Variants in DHX35 observed in about 807,000 individuals in gnomAD.
The protein encoded by DHX35 is probable ATP-dependent RNA helicase DHX35.
Under a neutral mutation model 99.6 loss-of-function variants are expected in DHX35, and 84 were observed. The observed-to-expected ratio is 0.84, with a 90% confidence interval of 0.71 to 1.01. The LOEUF is 1.01. Ranked by LOEUF, DHX35 falls within the 50% of genes least tolerant of loss-of-function variation. The pLI, the probability that DHX35 is intolerant of heterozygous loss-of-function variation, is 0.00. For missense variants in DHX35, 852 were observed against 888.5 expected (o/e 0.96, Z 0.52); for synonymous variants, 331 against 316.2 (o/e 1.05, Z -0.50).
chr20:39,010,252 C>T (rs760651391), intron 12 of DHX35, 28 bp from the exon 13 acceptor site: 1 of 1,613,832 alleles, frequency 6.2e-7, no homozygotes, highest in East Asian at 2.2e-5. Flanking sequence ...ACATTTGGTC[C>T]CAAACAGTTC....
intron 8 of DHX35, among the ~76,000 whole-genome samples, chr20:39,001,273 C>G (rs1224523545): frequency 6.6e-6 from 1 of 152,166 alleles, no homozygotes; most frequent in Non-Finnish European, 1.5e-5. Flanking sequence ...CGGAAACACA[C>G]CTACTGTTCA....
chr20:39,030,820 C>T, intron 20 of DHX35, 45 bp downstream of exon 20: 2 of 1,586,878 alleles, frequency 1.3e-6, no homozygotes, highest in Non-Finnish European at 8.6e-7. Flanking sequence ...TTGAACAGGG[C>T]CATGTTCTTG....
At chr20:39,016,838 T>C (rs2086793079) in intron 14 of DHX35, among the ~76,000 whole-genome samples, 1 of 151,990 alleles carries the variant, frequency 6.6e-6, no homozygotes, top group South Asian at 2.1e-4. Flanking sequence ...TCTGTTCAAA[T>C]CCTTTGCCCA....
intron 3 of DHX35, chr20:38,978,443 G>C: frequency 1.7e-6 from 1 of 592,052 alleles, no homozygotes; most frequent in Non-Finnish European, 3.1e-6. Flanking sequence ...CACGTACTTA[G>C]GTGGGAGAGA....
At position 39,018,842 on chromosome 20, in the gene DHX35, A is replaced by C. The variant is rs759118719; in HGVS notation, c.1441A>C (p.Met481Leu). 1 of 1,614,026 alleles carries C rather than the reference A, an allele frequency of 6.2e-7. No individual in the cohort carries two copies. The highest frequency in any genetic ancestry group is 1.1e-5 in the South Asian group (1 of 91,080). ...KDCRLTEPLG[M>L]RIAEFPLNPM... ...CTGTCGCCTAACTGAACCGCTTGGC[A>C]TGAGAATTGCAGAGTTTCCTTTGAA... is the stretch of plus-strand genomic sequence containing the variant. Residue 481 changes from methionine (M) to leucine (L), a missense_variant, in exon 15 of 22, where the codon ATG becomes CTG. Met to Leu is a conservative substitution (Grantham distance 15). Transcript: ENST00000252011.
intron 13 of DHX35, among the ~76,000 whole-genome samples, chr20:39,012,761 C>T (rs1187522277): frequency 1.3e-5 from 2 of 152,166 alleles, no homozygotes; most frequent in African/African-American, 2.4e-5. Flanking sequence ...GAACGCCTGA[C>T]CTCAGGTGAT....
At chr20:39,013,349 A>G (rs2086733237) in intron 13 of DHX35, among the ~76,000 whole-genome samples, 1 of 152,248 alleles carries the variant, frequency 6.6e-6, no homozygotes, top group African/African-American at 2.4e-5. Flanking sequence ...AGCCATCCCA[A>G]GTAGTTACTG....
At chr20:39,012,494 C>T (rs2086719819) in intron 13 of DHX35, among the ~76,000 whole-genome samples, 1 of 151,792 alleles carries the variant, frequency 6.6e-6, no homozygotes, top group South Asian at 2.1e-4. Context: ...AGAGAGGTGA[C>T]TGCACGTTGA....
intron 1 of DHX35, among the ~76,000 whole-genome samples, chr20:38,968,611 G>A (rs368921107): frequency 4.6e-5 from 7 of 152,090 alleles, no homozygotes; most frequent in African/African-American, 7.2e-5. Flanking sequence ...GCAGGGGCCC[G>A]ATCTTGGCTC....
chr20:38,978,629 A>G lies in DHX35; in HGVS notation c.268-5070A>G, dbSNP rs1041579318. On this transcript the variant is annotated intron_variant, in intron 3 of 21. Transcript: ENST00000252011. ...TAATAGTTTGCATTTATTTTCTCCC[A>G]TTCTGTAGGTTTTCTCTTCACTCTG... 1.3e-4 allele frequency among the ~76,000 whole-genome samples: 20 copies of G among 152,160 alleles called. 1 individual carries two copies.
intron 1 of DHX35, 71 bp downstream of exon 1, chr20:38,962,478 C>T: frequency 1.3e-6 from 2 of 1,557,544 alleles, no homozygotes; most frequent in Non-Finnish European, 1.7e-6. Context: ...GGCCGGCGCC[C>T]TGGGGCCAGC....
At chr20:38,967,233 T>TA (rs559027346) in intron 1 of DHX35, among the ~76,000 whole-genome samples, 301 of 152,314 alleles carry the variant, frequency 2.0e-3, no homozygotes, top group African/African-American at 7.1e-3. Flanking sequence ...CTGAGAACCC[T>TA]AAAAAGTGTA....
intron 19 of DHX35, chr20:39,030,485 TTTTCTC>T: frequency 1.8e-6 from 1 of 553,630 alleles, no homozygotes; most frequent in Admixed American, 3.4e-5. Context: ...CGCGTGTTGC[TTTTCTC>T]CTCTTCGCTT....
chr20:39,013,133 A>G (rs184162586), intron 13 of DHX35, among the ~76,000 whole-genome samples: 2 of 152,332 alleles, frequency 1.3e-5, no homozygotes, highest in African/African-American at 4.8e-5. Context: ...GAAAAATGAA[A>G]AAAAAAATAC....
At chr20:39,016,542 T>C (rs1221071373) in intron 14 of DHX35, among the ~76,000 whole-genome samples, 2 of 152,266 alleles carry the variant, frequency 1.3e-5, no homozygotes, top group African/African-American at 4.8e-5. Flanking sequence ...CATTCATTAG[T>C]TGATAGACAT....
chr20:38,995,776 G>A (rs144164504), intron 8 of DHX35, among the ~76,000 whole-genome samples: 30 of 152,274 alleles, frequency 2.0e-4, no homozygotes, highest in Middle Eastern at 3.4e-3. Context: ...AGAAACTTTC[G>A]CAGAGGTGGT....
chr20:39,004,039 G>A, intron 11 of DHX35, 132 bp downstream of exon 11: 1 of 1,012,756 alleles, frequency 9.9e-7, no homozygotes, highest in Non-Finnish European at 1.5e-6. Flanking sequence ...AGATCTAAAA[G>A]CACACAATAA....
chr20:39,030,239 A>G lies in DHX35; in HGVS notation c.1884-465A>G, dbSNP rs149076452. ...AGTGATCTGCTCGCCTTGGCCTCCC[A>G]AAGTGCTGGGATTACAGGCATGAGC... is the stretch of plus-strand genomic sequence containing the variant. On this transcript the variant is annotated intron_variant, in intron 19 of 21. Transcript: ENST00000252011. 1,319 of 155,040 alleles carry G rather than the reference A, an allele frequency of 8.5e-3. 6 individuals are homozygous for G. Among genetic ancestry groups the G allele is most frequent in the Non-Finnish European group, 0.015 (1,040 of 69,968 alleles). The allele number at this position is 155,040 out of a possible 1,614,324, so 9.6% of individuals were successfully genotyped here.
intron 13 of DHX35, 65 bp from the exon 14 acceptor site, chr20:39,014,815 C>T: frequency 1.3e-6 from 2 of 1,590,254 alleles, no homozygotes; most frequent in Non-Finnish European, 8.6e-7. Flanking sequence ...GAAAAGGAAA[C>T]AGCCACATTT....
Sources: allele counts gnomAD v4.1 joint callset (sites outside exome capture counted in the v4.1 genomes callset), GRCh38; gene constraint gnomAD v4.1.1; transcripts MANE v1.5; gene names NCBI Gene and HGNC (gene_info 2026-07-23, HGNC 2026-07-21).